Variants in OXCT1 observed in about 807,000 individuals in gnomAD.
The protein encoded by OXCT1 is 3-oxoacid CoA-transferase 1, also known as succinyl-CoA:3-ketoacid coenzyme A transferase 1, mitochondrial.
OXCT1 carries 27 observed loss-of-function variants against 69.6 expected under a neutral mutation model. The ratio of observed to expected loss-of-function variants is 0.39; its 90% CI spans 0.29 to 0.54. The LOEUF is 0.54. Among genes scored for constraint, OXCT1 ranks in the 20% least tolerant of loss-of-function variants. The pLI is 0.72. For missense variants in OXCT1, 437 were observed against 650.2 expected (o/e 0.67, Z 3.57); for synonymous variants, 202 against 217.8 (o/e 0.93, Z 0.64).
intron 16 of OXCT1, among the ~76,000 whole-genome samples, chr5:41,733,705 C>T (rs1482184201): frequency 6.6e-6 from 1 of 152,146 alleles, no homozygotes; most frequent in African/African-American, 2.4e-5. Context: ...CATTTACATT[C>T]TCAATGTGAA....
intron 13 of OXCT1, among the ~76,000 whole-genome samples, chr5:41,791,992 A>G (rs998388927): frequency 6.6e-6 from 1 of 152,042 alleles, no homozygotes; most frequent in Non-Finnish European, 1.5e-5. Context: ...TTTAGCAGAG[A>G]CGAGGTTTCA....
intron 13 of OXCT1, among the ~76,000 whole-genome samples, chr5:41,784,038 C>CT (rs1745533993): frequency 6.6e-6 from 1 of 152,130 alleles, no homozygotes; most frequent in Non-Finnish European, 1.5e-5. Context: ...AGATGGCTTG[C>CT]TAATGAATTT....
chr5:41,733,199 CT>C (rs1449177972), intron 16 of OXCT1, among the ~76,000 whole-genome samples: 1 of 145,834 alleles, frequency 6.9e-6, no homozygotes, highest in Admixed American at 6.8e-5. Flanking sequence ...CATTTTCTTT[CT>C]TTTTTTTAAA....
At chr5:41,760,448 T>C (rs189627391) in intron 14 of OXCT1, among the ~76,000 whole-genome samples, 1 of 152,242 alleles carries the variant, frequency 6.6e-6, no homozygotes, top group Admixed American at 6.5e-5. Context: ...AAGATATTTC[T>C]AGTCTGAAGT....
chr5:41,779,874 A>T (rs1029137657), intron 13 of OXCT1, among the ~76,000 whole-genome samples: 3 of 152,178 alleles, frequency 2.0e-5, no homozygotes, highest in Admixed American at 6.5e-5. Context: ...GCTACCCAGA[A>T]ATTAATGAAA....
chr5:41,791,474 GATATGTAAAA>G (rs1745914054), intron 13 of OXCT1, among the ~76,000 whole-genome samples: 1 of 152,098 alleles, frequency 6.6e-6, no homozygotes, highest in Non-Finnish European at 1.5e-5. Flanking sequence ...ATCTTAACAG[GATATGTAAAA>G]ATATGGTACG....
chr5:41,732,277 A>G (rs1742671299), intron 16 of OXCT1, among the ~76,000 whole-genome samples: 1 of 152,246 alleles, frequency 6.6e-6, no homozygotes, highest in African/African-American at 2.4e-5. Context: ...CGGAAATTTC[A>G]TAATCAGAAT....
At chr5:41,822,233 C>CT (rs1386311981) in intron 7 of OXCT1, among the ~76,000 whole-genome samples, 2 of 151,994 alleles carry the variant, frequency 1.3e-5, no homozygotes, top group African/African-American at 4.8e-5. Flanking sequence ...ATTCAGACCC[C>CT]TACTGGGAGT....
At chr5:41,759,259 A>G (rs1412739384) in intron 14 of OXCT1, among the ~76,000 whole-genome samples, 1 of 152,024 alleles carries the variant, frequency 6.6e-6, no homozygotes, top group Non-Finnish European at 1.5e-5. Flanking sequence ...CTTAATACCC[A>G]TATCTCAACC....
intron 14 of OXCT1, among the ~76,000 whole-genome samples, chr5:41,755,857 A>G (rs886414680): frequency 7.2e-5 from 11 of 152,142 alleles, no homozygotes; most frequent in African/African-American, 2.7e-4. Context: ...ACATAAAGGT[A>G]CATACATAAA....
intron 7 of OXCT1, among the ~76,000 whole-genome samples, chr5:41,826,527 C>T (rs1033443505): frequency 6.6e-5 from 10 of 151,760 alleles, no homozygotes; most frequent in African/African-American, 2.2e-4. Flanking sequence ...AAAATAAACC[C>T]ATGAAATAAG....
chr5:41,803,887 T>C (rs574883301), intron 9 of OXCT1, among the ~76,000 whole-genome samples: 3 of 152,094 alleles, frequency 2.0e-5, no homozygotes, highest in Non-Finnish European at 4.4e-5. Flanking sequence ...CCTATCAACA[T>C]AGGCAGGCTG....
At chr5:41,813,138 C>T (rs1747067956) in intron 7 of OXCT1, among the ~76,000 whole-genome samples, 1 of 151,996 alleles carries the variant, frequency 6.6e-6, no homozygotes, top group African/African-American at 2.4e-5. Context: ...TTTCACAGAG[C>T]CTCTGACCAA....
chr5:41,797,184 AC>A (rs1314165845), intron 11 of OXCT1, among the ~76,000 whole-genome samples: 1 of 152,202 alleles, frequency 6.6e-6, no homozygotes, highest in African/African-American at 2.4e-5. Context: ...GACAACCTGC[AC>A]TGGCTGATAA....
In OXCT1 at chr5:41,840,439, A is replaced by C; in HGVS notation, c.732+12T>G. The C allele has an allele frequency of 6.3e-7, 1 of 1,598,070 alleles. No individual in the cohort carries two copies. Among genetic ancestry groups the C allele is most frequent in the Non-Finnish European group, 8.6e-7 (1 of 1,165,612 alleles). On this transcript the variant is annotated intron_variant, in intron 7 of 16. Coordinates refer to ENST00000196371, the MANE Select transcript of OXCT1 (RefSeq NM_000436.4). ...AATAATTAACACCAAGAATTCAAAA[A>C]TAACCTCTTACCTCTACCACTGTGG...
At chr5:41,804,321 A>G (rs1393950803) in intron 9 of OXCT1, among the ~76,000 whole-genome samples, 1 of 152,070 alleles carries the variant, frequency 6.6e-6, no homozygotes, top group Admixed American at 6.6e-5. Context: ...CTCTTTCATC[A>G]TATTATAGCA....
chr5:41,763,593 G>A (rs4391215), intron 13 of OXCT1, among the ~76,000 whole-genome samples: 1 of 152,036 alleles, frequency 6.6e-6, no homozygotes, highest in African/African-American at 2.4e-5. Flanking sequence ...TTTGAGATTT[G>A]TAGAGCAACA....
At chr5:41,795,259 G>C (rs550657179) in intron 11 of OXCT1, among the ~76,000 whole-genome samples, 2 of 152,136 alleles carry the variant, frequency 1.3e-5, no homozygotes, top group African/African-American at 4.8e-5. Flanking sequence ...GGTAATGCTC[G>C]TTTGCTCGCC....
rs114855998 is a variant in OXCT1 at position 41,767,815 on chromosome 5, T to C, written c.1249-5615A>G. Among the ~76,000 whole-genome samples the C allele has an allele frequency of 8.0e-3, 1,189 of 149,024 alleles. 19 individuals carry two copies. The highest frequency in any genetic ancestry group is 0.028 in the African/African-American group (1,136 of 40,144). ...CTACTGCATATCACAGTGTCTTCCA[T>C]TCACTCCTTGAAATCCTCCACTTAG... On this transcript the variant is annotated intron_variant, in intron 13 of 16. Transcript: ENST00000196371.
Sources: gnomAD v4.1 joint callset for allele counts (sites outside exome capture counted in the v4.1 genomes callset) on GRCh38, gnomAD v4.1.1 for gene constraint, MANE v1.5 for transcripts, NCBI Gene and HGNC (gene_info 2026-07-23, HGNC 2026-07-21) for gene names.